The following TEX36 variants were observed in gnomAD, a reference collection of about 807,000 sequenced individuals.
The protein encoded by TEX36 is testis-expressed protein 36.
TEX36 carries 12 observed loss-of-function variants against 13.6 expected under a neutral mutation model. The observed-to-expected ratio is 0.88, with a 90% CI of 0.56 to 1.43. TEX36 has a LOEUF of 1.43. TEX36 is among the 40% of genes most tolerant of loss of function. The pLI is 0.00. For synonymous variants in TEX36, 93 were observed against 83.0 expected (o/e 1.12, Z -0.65); for missense variants, 224 against 228.3 (o/e 0.98, Z 0.12).
At chr10:125,672,722 G>T (rs1317751447) in intron 1 of TEX36, among the ~76,000 whole-genome samples, 1 of 152,166 alleles carries the variant, frequency 6.6e-6, no homozygotes, top group Non-Finnish European at 1.5e-5. Flanking sequence ...CATTGACAGT[G>T]GGGTGTAAAA....
chr10:125,623,910 T>C (rs192672933), intron 3 of TEX36, among the ~76,000 whole-genome samples: 4 of 152,378 alleles, frequency 2.6e-5, no homozygotes, highest in Admixed American at 1.3e-4. Context: ...TGGGACATAG[T>C]AACAGGGATC....
At chr10:125,666,262 C>A (rs776912429) in intron 1 of TEX36, among the ~76,000 whole-genome samples, 1 of 152,112 alleles carries the variant, frequency 6.6e-6, no homozygotes, top group Non-Finnish European at 1.5e-5. Flanking sequence ...AAGTGAGAAT[C>A]CTTGTCTTGT....
chr10:125,645,421 G>T (rs1195482338), intron 3 of TEX36, among the ~76,000 whole-genome samples: 1 of 152,096 alleles, frequency 6.6e-6, no homozygotes, highest in Admixed American at 6.6e-5. Context: ...AGAAAGACCT[G>T]AGAGAGCACA....
chr10:125,579,419 C>T (rs1845860299), intron 3 of TEX36, among the ~76,000 whole-genome samples: 1 of 152,176 alleles, frequency 6.6e-6, no homozygotes, highest in South Asian at 2.1e-4. Flanking sequence ...GGGGAACTGC[C>T]TCCATGGTCT....
chr10:125,635,184 C>A (rs1041521481), intron 3 of TEX36, among the ~76,000 whole-genome samples: 1 of 152,196 alleles, frequency 6.6e-6, no homozygotes, highest in East Asian at 1.9e-4. Context: ...AAGCAGGCTC[C>A]ACCACATTGC....
At chr10:125,612,606 GA>G (rs1352114521) in intron 3 of TEX36, among the ~76,000 whole-genome samples, 1 of 152,106 alleles carries the variant, frequency 6.6e-6, no homozygotes, top group Non-Finnish European at 1.5e-5. Flanking sequence ...TTTGCAGCCA[GA>G]AGTCTGCCTT....
At chr10:125,628,883 G>C (rs1846519293) in intron 3 of TEX36, among the ~76,000 whole-genome samples, 1 of 152,180 alleles carries the variant, frequency 6.6e-6, no homozygotes, top group South Asian at 2.1e-4. Context: ...AGTTACTGAG[G>C]ACTGATGACG....
At chr10:125,579,740 G>A (rs576383935) in intron 3 of TEX36, among the ~76,000 whole-genome samples, 72 of 152,066 alleles carry the variant, frequency 4.7e-4, no homozygotes, top group South Asian at 1.5e-3. Flanking sequence ...AGTGTGTGGC[G>A]CCTTCCCTTT....
At chr10:125,612,820 A>AG (rs2133552705) in intron 3 of TEX36, among the ~76,000 whole-genome samples, 1 of 151,840 alleles carries the variant, frequency 6.6e-6, no homozygotes, top group Non-Finnish European at 1.5e-5. Flanking sequence ...AAAAAAAAAA[A>AG]CTATATAAAA....
downstream of TEX36, among the ~76,000 whole-genome samples, chr10:125,618,799 G>T (rs1034151668): frequency 2.0e-5 from 3 of 151,968 alleles, no homozygotes; most frequent in Non-Finnish European, 2.9e-5. Context: ...GCCTGCTGCA[G>T]TGACGGTGTT....
chr10:125,674,220 T>C (rs1045570598), intron 1 of TEX36, among the ~76,000 whole-genome samples: 2 of 152,234 alleles, frequency 1.3e-5, no homozygotes, highest in African/African-American at 4.8e-5. Context: ...TAATTATTGA[T>C]ACTTGTGGTT....
intron 3 of TEX36, among the ~76,000 whole-genome samples, chr10:125,612,566 C>A (rs1312572535): frequency 6.6e-6 from 1 of 152,086 alleles, no homozygotes; most frequent in East Asian, 1.9e-4. Context: ...TATGGCTACA[C>A]ATTTATATCC....
Position 125,683,026 on chromosome 10 carries a change from C to T in TEX36, c.-37G>A. 6.4e-7 allele frequency: 1 copy of T among 1,550,582 alleles called. No homozygotes were observed. Among genetic ancestry groups the T allele is most frequent in the Non-Finnish European group, 8.7e-7 (1 of 1,146,032 alleles). On this transcript the variant is annotated 5_prime_UTR_variant, in exon 1 of 4. Transcript: ENST00000368821. Reference sequence around the variant, plus strand: ...AGCTGAATGTGGCTGAGATTGGCTCCCTCACCTCTCCATAAGCTCTACATG... The same window carrying T: ...AGCTGAATGTGGCTGAGATTGGCTCTCTCACCTCTCCATAAGCTCTACATG...
At chr10:125,682,635 G>A (rs542981660) in intron 1 of TEX36, among the ~76,000 whole-genome samples, 2 of 152,336 alleles carry the variant, frequency 1.3e-5, no homozygotes, top group African/African-American at 4.8e-5. Context: ...AAGAGAATAA[G>A]TTCTGTAGTA....
At chr10:125,594,998 TA>T (rs1374280815) in intron 3 of TEX36, among the ~76,000 whole-genome samples, 1 of 152,132 alleles carries the variant, frequency 6.6e-6, no homozygotes, top group Non-Finnish European at 1.5e-5. Context: ...ATTAAGCATA[TA>T]AAGGGGTAAT....
intron 3 of TEX36, among the ~76,000 whole-genome samples, chr10:125,623,784 G>T (rs184913008): frequency 9.8e-5 from 15 of 152,288 alleles, no homozygotes; most frequent in Admixed American, 9.2e-4. Flanking sequence ...TGTACCCAGG[G>T]ATTTAATAAC....
rs557431737 is a variant in TEX36 at position 125,577,707 on chromosome 10, T to G, written c.265-833A>C. Among the ~76,000 whole-genome samples the G allele has an allele frequency of 2.0e-5, 3 of 152,302 alleles. No individual in the cohort carries two copies. The East Asian group carries it at 5.8e-4, about 29-fold the overall frequency. ...TAGTCCTGCCATATTGTATAGACAA[T>G]TTTGCATCCTGCTCTTTTTACTTAA... On this transcript the variant is annotated intron_variant, in intron 3 of 3. Coordinates refer to the TEX36 transcript ENST00000532135.
At chr10:125,671,517 G>A (rs980556700) in intron 1 of TEX36, among the ~76,000 whole-genome samples, 1 of 152,162 alleles carries the variant, frequency 6.6e-6, no homozygotes, top group African/African-American at 2.4e-5. Flanking sequence ...TTGATGTGCT[G>A]CTGGATTCAG....
intron 3 of TEX36, among the ~76,000 whole-genome samples, chr10:125,630,026 G>C (rs1039971840): frequency 2.6e-5 from 4 of 152,148 alleles, no homozygotes; most frequent in African/African-American, 9.7e-5. Flanking sequence ...AATATTCCAA[G>C]TGGCTGTCTA....
Sources: allele counts gnomAD v4.1 joint callset (sites outside exome capture counted in the v4.1 genomes callset), GRCh38; gene constraint gnomAD v4.1.1; transcripts MANE v1.5; gene names NCBI Gene and HGNC (gene_info 2026-07-23, HGNC 2026-07-21).